The following KCNMB2 variants were observed in gnomAD, a reference collection of about 807,000 sequenced individuals.
KCNMB2 encodes the protein calcium-activated potassium channel subunit beta-2.
A neutral mutation model predicts 24.5 loss-of-function variants in KCNMB2; 9 were observed. The ratio of observed to expected loss-of-function variants is 0.37; its 90% CI spans 0.22 to 0.64. The LOEUF (loss-of-function observed/expected upper bound fraction) is 0.64, where lower values mean the gene tolerates loss of function less well. KCNMB2 is among the 30% of genes least tolerant of loss of function. The pLI is 0.63. For missense variants in KCNMB2, 226 were observed against 284.3 expected, an observed-to-expected ratio of 0.79 and a Z score of 1.47; for synonymous variants, 109 against 104.4, an observed-to-expected ratio of 1.04 and a Z score of -0.27.
chr3:178,692,690 T>G (rs1273500787), intron 1 of KCNMB2, among the ~76,000 whole-genome samples: 1 of 152,236 alleles, frequency 6.6e-6, no homozygotes, highest in Non-Finnish European at 1.5e-5. Flanking sequence ...TGCCTCTGGC[T>G]TTATACCTTT....
intron 1 of KCNMB2, among the ~76,000 whole-genome samples, chr3:178,571,965 C>T (rs9822934): frequency 0.13 from 19,437 of 152,156 alleles, 1,377 homozygotes; most frequent in Middle Eastern, 0.23. Context: ...CAAGTGTTTG[C>T]TATTGTAAAT....
At chr3:178,654,982 T>C (rs569412989) in intron 1 of KCNMB2, among the ~76,000 whole-genome samples, 106 of 152,204 alleles carry the variant, frequency 7.0e-4, no homozygotes, top group Middle Eastern at 3.4e-3. Flanking sequence ...GAGAATTAAA[T>C]GAGATCAAAT....
At chr3:178,694,211 G>A (rs1013048454) in intron 1 of KCNMB2, among the ~76,000 whole-genome samples, 1 of 152,128 alleles carries the variant, frequency 6.6e-6, no homozygotes, top group Non-Finnish European at 1.5e-5. Context: ...AACCTCATGA[G>A]AACTAACTCA....
intron 1 of KCNMB2, among the ~76,000 whole-genome samples, chr3:178,660,914 T>C (rs1485339418): frequency 1.3e-5 from 2 of 152,090 alleles, no homozygotes; most frequent in Non-Finnish European, 1.5e-5. Context: ...TCCTTCTATG[T>C]CCCTCTAGCA....
intron 1 of KCNMB2, among the ~76,000 whole-genome samples, chr3:178,761,397 C>A (rs1560010930): frequency 6.6e-6 from 1 of 152,194 alleles, no homozygotes. Context: ...TATGCAACAT[C>A]ATTTCCCCAT....
intron 2 of KCNMB2, among the ~76,000 whole-genome samples, chr3:178,809,120 A>G (rs1042343849): frequency 1.3e-5 from 2 of 152,200 alleles, no homozygotes; most frequent in Non-Finnish European, 2.9e-5. Context: ...AACACTATAA[A>G]ATTTCATATG....
intron 2 of KCNMB2, among the ~76,000 whole-genome samples, chr3:178,817,057 A>G (rs1369538320): frequency 6.6e-6 from 1 of 152,014 alleles, no homozygotes; most frequent in African/African-American, 2.4e-5. Flanking sequence ...ACTAAAAAGA[A>G]TAATTCCAAC....
intron 1 of KCNMB2, among the ~76,000 whole-genome samples, chr3:178,683,931 CA>C (rs1463832149): frequency 6.6e-6 from 1 of 152,096 alleles, no homozygotes; most frequent in Non-Finnish European, 1.5e-5. Context: ...AGAACTACCC[CA>C]TGATCCAACA....
intron 1 of KCNMB2, chr3:178,747,081 T>C (rs1280716735): frequency 1.3e-5 from 2 of 152,448 alleles, no homozygotes; most frequent in African/African-American, 4.8e-5. Flanking sequence ...ATTAGTCTAT[T>C]TTCATGCTGC....
In KCNMB2 at chr3:178,759,346, TATATATATATATATATCTCCAAGAGG is replaced by T. The variant is rs1711579403; in HGVS notation, c.-67-47980_-67-47955del. ...ATATATATATATATCTCCAAGAGGATATATATATATATATATCTCCAAGAGGATATATATATATATATATCTCTCCA... is the reference window on the plus strand; with the variant it reads ...ATATATATATATATCTCCAAGAGGATATATATATATATATATATCTCTCCA... On this transcript the variant is annotated intron_variant, in intron 1 of 4. Transcript: ENST00000452583. 4.3e-4 allele frequency among the ~76,000 whole-genome samples: 18 copies of T among 42,330 alleles called. 2 individuals are homozygous for T. Among genetic ancestry groups the T allele is most frequent in the African/African-American group, 8.0e-4 (6 of 7,518 alleles). The allele number at this position is 42,330 out of a possible 152,430, so 27.8% of individuals were successfully genotyped here.
chr3:178,577,655 C>G (rs369270973), intron 1 of KCNMB2, among the ~76,000 whole-genome samples: 2 of 152,078 alleles, frequency 1.3e-5, no homozygotes, highest in Admixed American at 6.6e-5. Flanking sequence ...ACTAGAATAA[C>G]CAGTTTAGAG....
At chr3:178,755,698 T>C (rs1724007267) in intron 1 of KCNMB2, among the ~76,000 whole-genome samples, 1 of 148,494 alleles carries the variant, frequency 6.7e-6, no homozygotes, top group Non-Finnish European at 1.5e-5. Context: ...ATTCCTTCAC[T>C]TTTTTTCAAA....
chr3:178,748,234 A>C (rs1352973954), intron 1 of KCNMB2: 1 of 152,240 alleles, frequency 6.6e-6, no homozygotes, highest in African/African-American at 2.4e-5. Context: ...AAATTGAGAA[A>C]TATTCCATAT....
intron 2 of KCNMB2, among the ~76,000 whole-genome samples, chr3:178,816,477 T>C (rs1267546340): frequency 1.3e-5 from 2 of 152,072 alleles, no homozygotes; most frequent in African/African-American, 2.4e-5. Flanking sequence ...ATTTCATTTA[T>C]TTCTGCTCAA....
intron 1 of KCNMB2, among the ~76,000 whole-genome samples, chr3:178,732,499 A>G (rs1723185185): frequency 6.6e-6 from 1 of 152,166 alleles, no homozygotes; most frequent in Non-Finnish European, 1.5e-5. Context: ...TGGTCTATTT[A>G]GTGTCACATT....
At chr3:178,777,568 G>T (rs1189261901) in intron 1 of KCNMB2, among the ~76,000 whole-genome samples, 2 of 152,134 alleles carry the variant, frequency 1.3e-5, no homozygotes, top group Non-Finnish European at 2.9e-5. Context: ...TCAAATTCTA[G>T]AAACACTTTT....
chr3:178,646,814 T>C (rs934771860), intron 1 of KCNMB2, among the ~76,000 whole-genome samples: 3 of 152,182 alleles, frequency 2.0e-5, no homozygotes, highest in African/African-American at 7.2e-5. Context: ...AGGAGAAAAA[T>C]GACTTCAATA....
rs1484074788 is a variant in KCNMB2 at position 178,796,516 on chromosome 3, CTTTAA to C, written c.-67-10826_-67-10822del. Among the ~76,000 whole-genome samples, 3 of 152,118 alleles carry C rather than the reference CTTTAA, an allele frequency of 2.0e-5. No homozygotes were observed. The South Asian group carries it at 6.2e-4, about 32-fold the overall frequency. On this transcript the variant is annotated intron_variant, in intron 1 of 4. Coordinates refer to ENST00000452583, the MANE Select transcript of KCNMB2 (RefSeq NM_181361.3). The stretch of plus-strand genomic sequence containing the variant: ...ACCATAAGTTATGCCACAAATAAGT[CTTTAA>C]ATATTCAAAAAAATTGAAATAATAT...
At chr3:178,653,972 A>C (rs1409990369) in intron 1 of KCNMB2, among the ~76,000 whole-genome samples, 1 of 152,068 alleles carries the variant, frequency 6.6e-6, no homozygotes, top group East Asian at 1.9e-4. Context: ...TAAGATGAAA[A>C]CTACCATTTC....
Sources: allele counts gnomAD v4.1 joint callset (sites outside exome capture counted in the v4.1 genomes callset), GRCh38; gene constraint gnomAD v4.1.1; transcripts MANE v1.5; gene names NCBI Gene and HGNC (gene_info 2026-07-23, HGNC 2026-07-21).